The following COP1 variants were observed in gnomAD, a reference collection of about 807,000 sequenced individuals.
COP1 encodes the protein E3 ubiquitin-protein ligase COP1.
COP1 carries 24 observed loss-of-function variants against 101.3 expected under a neutral mutation model. The observed-to-expected ratio is 0.24, with a 90% CI of 0.17 to 0.33. COP1 has a LOEUF of 0.33. Ranked by LOEUF, COP1 falls within the 10% of genes least tolerant of loss-of-function variation. COP1 has a pLI of 1.00. For missense variants in COP1, 663 were observed against 906.2 expected, an observed-to-expected ratio of 0.73 and a Z score of 3.45; for synonymous variants, 347 against 341.9, an observed-to-expected ratio of 1.01 and a Z score of -0.17.
chr1:176,143,098 G>A (rs1690963671), intron 6 of COP1, among the ~76,000 whole-genome samples: 1 of 144,310 alleles, frequency 6.9e-6, no homozygotes, highest in African/African-American at 2.6e-5. Flanking sequence ...TATATTCCTG[G>A]CAAGAATTGA....
intron 15 of COP1, among the ~76,000 whole-genome samples, chr1:176,023,735 A>AAAAAG (rs1160885975): frequency 0.036 from 3,803 of 104,906 alleles, 58 homozygotes; most frequent in East Asian, 0.049. Context: ...AAAAAAAAAA[A>AAAAAG]AAAAGAAAAG....
rs1324700622 is a variant in COP1, at chr1:176,007,173, G to A, written c.1730-17694C>T. On this transcript the variant is annotated intron_variant, in intron 15 of 19. Transcript: ENST00000367669. Reference sequence around the variant, plus strand: ...CTTCTGCATTCTTCACGTAGTTCTCGAGCCTTGGTTTTCAGCTCCATCAGC... The same window carrying A: ...CTTCTGCATTCTTCACGTAGTTCTCAAGCCTTGGTTTTCAGCTCCATCAGC... Among the ~76,000 whole-genome samples, 6 of 152,046 alleles carry A rather than the reference G, an allele frequency of 3.9e-5. No individual in the cohort carries two copies. In the South Asian group the frequency reaches 6.2e-4, roughly 16 times the overall value.
rs1031013397 is a variant in COP1 at position 176,027,447 on chromosome 1, T to G, written c.1729+125A>C. 1.3e-5 allele frequency: 9 copies of G among 682,614 alleles called. No individual in the cohort carries two copies. In the African/African-American group the frequency reaches 1.4e-4, roughly 11 times the overall value. The allele number at this position is 682,614 out of a possible 1,614,324, so 42.3% of individuals were successfully genotyped here. ...GATGGCATACTGTATACTTCTAATT[T>G]AGAGCCTAATAATAAAAACAACATT... On this transcript the variant is annotated intron_variant, in intron 15 of 19. Coordinates refer to ENST00000367669, the MANE Select transcript of COP1 (RefSeq NM_022457.7).
intron 9 of COP1, among the ~76,000 whole-genome samples, chr1:176,109,135 T>G (rs1285825538): frequency 6.6e-6 from 1 of 151,966 alleles, no homozygotes; most frequent in Non-Finnish European, 1.5e-5. Context: ...ATAAATAAAA[T>G]TATCAAAATT....
chr1:176,026,699 G>A (rs111932114), intron 15 of COP1, among the ~76,000 whole-genome samples: 2,583 of 152,124 alleles, frequency 0.017, 71 homozygotes, highest in African/African-American at 0.058. Context: ...ATAGTGACAT[G>A]GTTTAAATTA....
chr1:176,054,908 A>C (rs1241554682), intron 11 of COP1, among the ~76,000 whole-genome samples: 2 of 152,306 alleles, frequency 1.3e-5, no homozygotes, highest in Admixed American at 6.5e-5. Flanking sequence ...TCTTTAACTC[A>C]CTGGAATCAA....
At chr1:176,206,551 G>A in intron 1 of COP1, 21 bp downstream of exon 1, 1 of 1,600,056 alleles carries the variant, frequency 6.2e-7, no homozygotes, top group Non-Finnish European at 8.5e-7. Context: ...GGGACAAGGA[G>A]GGAGTGCTCT....
Position 176,103,585 on chromosome 1 carries a change from T to G in COP1, c.1026+13039A>C, listed in dbSNP as rs141725696. ...AATCCAAAGTCCAAAATGCTCCAAT[T>G]AGCATTTCTTTTGAGCACCATATCA... On this transcript the variant is annotated intron_variant, in intron 9 of 19. Transcript: ENST00000367669. Among the ~76,000 whole-genome samples the G allele has an allele frequency of 9.3e-3, 1,415 of 152,334 alleles. 24 individuals carry two copies. Among genetic ancestry groups the G allele is most frequent in the African/African-American group, 0.032 (1,345 of 41,580 alleles).
chr1:176,110,960 T>C (rs553744932), intron 9 of COP1, among the ~76,000 whole-genome samples: 1 of 152,252 alleles, frequency 6.6e-6, no homozygotes, highest in East Asian at 1.9e-4. Context: ...GAGACCATCC[T>C]GGCCAACATG....
chr1:176,147,168 G>A (rs1249840082), intron 6 of COP1, among the ~76,000 whole-genome samples: 1 of 152,090 alleles, frequency 6.6e-6, no homozygotes, highest in Non-Finnish European at 1.5e-5. Context: ...CATATTACAG[G>A]TCCTAAGACC....
chr1:176,064,920 G>A (rs925971704), intron 11 of COP1, among the ~76,000 whole-genome samples: 3 of 152,112 alleles, frequency 2.0e-5, no homozygotes, highest in African/African-American at 7.2e-5. Flanking sequence ...ACCATGCCTG[G>A]CCTCCTTCCC....
At chr1:176,161,274 C>T (rs909509890) in intron 5 of COP1, among the ~76,000 whole-genome samples, 3 of 152,056 alleles carry the variant, frequency 2.0e-5, no homozygotes, top group Admixed American at 6.6e-5. Context: ...AAGGTAACTG[C>T]GTATGTTCAA....
At chr1:176,052,542 GT>G (rs1304587382) in intron 11 of COP1, among the ~76,000 whole-genome samples, 1 of 152,024 alleles carries the variant, frequency 6.6e-6, no homozygotes, top group Non-Finnish European at 1.5e-5. Context: ...TTACTACTAT[GT>G]AAAATTCAGA....
intron 15 of COP1, among the ~76,000 whole-genome samples, chr1:175,994,340 C>G (rs886543420): frequency 2.6e-5 from 4 of 152,098 alleles, no homozygotes; most frequent in African/African-American, 7.2e-5. Flanking sequence ...CATCAACTAA[C>G]GAGCAAAATA....
At chr1:176,124,022 C>A (rs1687582469) in intron 8 of COP1, among the ~76,000 whole-genome samples, 1 of 152,152 alleles carries the variant, frequency 6.6e-6, no homozygotes, top group African/African-American at 2.4e-5. Context: ...CTCATGAACA[C>A]TGCAGTTTGG....
At position 176,081,176 on chromosome 1, in the gene COP1, T is replaced by A; in HGVS notation, c.1253A>T (p.Tyr418Phe). The A allele has an allele frequency of 6.2e-7, 1 of 1,608,922 alleles. No homozygotes were observed. The highest frequency in any genetic ancestry group is 8.5e-7 in the Non-Finnish European group (1 of 1,176,720). ...CCTAGAGACTATACTGGAACCATTA[T>A]AGAGATCACTAGCATATGACAATGT... ...LATLSYASDLYNGSSIVSSIE... is the reference protein window; with the variant it reads ...LATLSYASDLFNGSSIVSSIE... Residue 418 changes from tyrosine to phenylalanine, a missense_variant, in exon 11 of 20, where the codon TAT becomes TTT. Physicochemically the swap from Tyr to Phe is conservative, Grantham distance 22. Around this residue, in one of 4 missense-constraint regions of COP1, gnomAD observed 209 missense variants for 383.3 expected, o/e 0.55. Coordinates refer to ENST00000367669, the MANE Select transcript of COP1 (RefSeq NM_022457.7).
rs1476319083 is a variant in COP1, at chr1:175,973,727, A to T, written c.2133+13216T>A. Among the ~76,000 whole-genome samples, 4 of 152,362 alleles carry T rather than the reference A, an allele frequency of 2.6e-5. No individual in the cohort carries two copies. The East Asian group carries it at 7.7e-4, about 29-fold the overall frequency. ...CAATGGAAAAAAGTAAGTCTAGATCAATCTAATGGTATTTATCTACCCAAT... is the reference window on the plus strand; with the variant it reads ...CAATGGAAAAAAGTAAGTCTAGATCTATCTAATGGTATTTATCTACCCAAT... On this transcript the variant is annotated intron_variant, in intron 18 of 19. Transcript: ENST00000367669.
intron 6 of COP1, among the ~76,000 whole-genome samples, chr1:176,140,379 A>G (rs776774375): frequency 3.3e-5 from 5 of 152,230 alleles, no homozygotes; most frequent in Non-Finnish European, 7.3e-5. Context: ...TATCCGTAAG[A>G]AAGTCTGACA....
intron 18 of COP1, among the ~76,000 whole-genome samples, chr1:175,953,661 G>A (rs533192028): frequency 1.6e-4 from 24 of 151,326 alleles, no homozygotes; most frequent in African/African-American, 5.6e-4. Context: ...AACATTAATC[G>A]TAAGAAAGCT....
Sources: allele counts gnomAD v4.1 joint callset (sites outside exome capture counted in the v4.1 genomes callset), GRCh38; gene constraint gnomAD v4.1.1; regional missense constraint gnomAD v4.1.1; transcripts MANE v1.5; gene names NCBI Gene and HGNC (gene_info 2026-07-23, HGNC 2026-07-21).